Variants in PRSS23 observed in about 807,000 individuals in gnomAD.
The protein encoded by PRSS23 is protease, serine 23.
A neutral mutation model predicts 34.7 loss-of-function variants in PRSS23; 25 were observed. The ratio of observed to expected loss-of-function variants is 0.72; its 90% CI spans 0.53 to 1.01. PRSS23 has a LOEUF of 1.01. Among genes scored for constraint, PRSS23 ranks in the 50% least tolerant of loss-of-function variants. The probability of loss-of-function intolerance (pLI) is 0.00; values close to 1 mark genes in which losing one functional copy is unlikely to be tolerated. For missense variants in PRSS23, 445 were observed against 475.6 expected (o/e 0.94, Z 0.60); for synonymous variants, 176 against 186.6 (o/e 0.94, Z 0.46).
intron 2 of PRSS23, among the ~76,000 whole-genome samples, chr11:86,868,064 G>A (rs983398312): frequency 4.1e-5 from 6 of 146,442 alleles, no homozygotes; most frequent in Non-Finnish European, 7.5e-5. Flanking sequence ...CAAAGGCCAA[G>A]GAGGAAAAAA....
chr11:86,882,412 T>A (rs113841470), intron 2 of PRSS23, among the ~76,000 whole-genome samples: 1 of 152,210 alleles, frequency 6.6e-6, no homozygotes. Flanking sequence ...TATGTGTCCA[T>A]GTGTTCTCAT....
intron 2 of PRSS23, among the ~76,000 whole-genome samples, chr11:86,851,334 C>T (rs367905323): frequency 2.6e-5 from 4 of 152,202 alleles, no homozygotes; most frequent in Non-Finnish European, 5.9e-5. Context: ...GGGAGAGATG[C>T]CCCTTGAATG....
intron 1 of PRSS23, among the ~76,000 whole-genome samples, chr11:86,794,286 G>A (rs1193226149): frequency 6.6e-6 from 1 of 152,134 alleles, no homozygotes; most frequent in East Asian, 1.9e-4. Context: ...ATGCAAGTTA[G>A]AGTAGATCAG....
At chr11:86,801,904 G>T (rs552575953) in intron 1 of PRSS23, among the ~76,000 whole-genome samples, 18 of 152,346 alleles carry the variant, frequency 1.2e-4, no homozygotes, top group Middle Eastern at 6.8e-3. Flanking sequence ...AAGTCAAGCG[G>T]TAACTTGTCC....
intron 2 of PRSS23, among the ~76,000 whole-genome samples, chr11:86,939,393 TAAAA>T (rs778076028): frequency 3.9e-4 from 33 of 83,924 alleles, no homozygotes; most frequent in African/African-American, 4.7e-4. Flanking sequence ...ATTTCTCAGT[TAAAA>T]AAAAAAATAT....
chr11:86,800,558 C>T lies in PRSS23; in HGVS notation c.-107C>T. 1.0e-6 allele frequency: 1 copy of T among 984,728 alleles called. No homozygotes were observed. The highest frequency in any genetic ancestry group is 1.2e-6 in the Non-Finnish European group (1 of 829,726). The allele number at this position is 984,728 out of a possible 1,614,324, so 61.0% of individuals were successfully genotyped here. ...AGCTTGCTCGCACTCGGCTGTGCGG[C>T]GGGGCAGGCATGGGAGCCGCGCGCT... On this transcript the variant is annotated 5_prime_UTR_variant, in exon 1 of 2. Coordinates refer to ENST00000280258, the MANE Select transcript of PRSS23 (RefSeq NM_007173.6).
intron 2 of PRSS23, among the ~76,000 whole-genome samples, chr11:86,856,278 C>T (rs1948570345): frequency 6.6e-6 from 1 of 151,482 alleles, no homozygotes; most frequent in African/African-American, 2.4e-5. Flanking sequence ...TTCATTGGAG[C>T]TTGATCCCTC....
chr11:86,939,365 A>G (rs1359483199), intron 2 of PRSS23, among the ~76,000 whole-genome samples: 3 of 132,264 alleles, frequency 2.3e-5, no homozygotes, highest in African/African-American at 7.9e-5. Flanking sequence ...TCAGGAGAAT[A>G]ATTTTTCCAG....
rs1418281682 is a variant in PRSS23 at position 86,902,593 on chromosome 11, C to G, written c.207-48623C>G. On this transcript the variant is annotated intron_variant, in intron 2 of 2. Coordinates refer to the PRSS23 transcript ENST00000533902. ...AACAGGCATGATATCATACATCTAG[C>G]TATCAAACTACTTCCAGATGTGGAT... Among the ~76,000 whole-genome samples the G allele has an allele frequency of 2.6e-5, 4 of 152,142 alleles. No individual in the cohort carries two copies. In the East Asian group the frequency reaches 7.7e-4, roughly 29 times the overall value.
chr11:86,830,285 C>G (rs1208288018), intron 2 of PRSS23, among the ~76,000 whole-genome samples: 3 of 152,216 alleles, frequency 2.0e-5, no homozygotes, highest in East Asian at 1.9e-4. Context: ...GGGCATAGGA[C>G]CCTCCGAGCC....
At chr11:86,833,932 G>T (rs995349605) in intron 2 of PRSS23, among the ~76,000 whole-genome samples, 1 of 152,170 alleles carries the variant, frequency 6.6e-6, no homozygotes, top group East Asian at 1.9e-4. Flanking sequence ...CTCGGGAGGG[G>T]TGCCTTCGAT....
chr11:86,859,196 GGAA>G (rs1948595063), intron 2 of PRSS23, among the ~76,000 whole-genome samples: 1 of 151,980 alleles, frequency 6.6e-6, no homozygotes, highest in African/African-American at 2.4e-5. Context: ...TAATATCCAG[GGAA>G]GAAGAAGATG....
At chr11:86,935,705 A>G (rs1325762435) in intron 2 of PRSS23, 1 of 152,174 alleles carries the variant, frequency 6.6e-6, no homozygotes, top group African/African-American at 2.4e-5. Context: ...ATATAATAAC[A>G]CTGAAGCCCA....
chr11:86,820,223 GT>G (rs1452051944), intron 1 of PRSS23, among the ~76,000 whole-genome samples: 1 of 152,150 alleles, frequency 6.6e-6, no homozygotes, highest in Non-Finnish European at 1.5e-5. Flanking sequence ...TTTAAGGACT[GT>G]TTTCTAAGAA....
intron 2 of PRSS23, among the ~76,000 whole-genome samples, chr11:86,920,958 A>G (rs1316187114): frequency 6.6e-6 from 1 of 152,136 alleles, no homozygotes; most frequent in African/African-American, 2.4e-5. Context: ...ACAGTAAGAA[A>G]CTTTCTTTCT....
intron 2 of PRSS23, chr11:86,933,258 C>T (rs7484279): frequency 0.62 from 94,960 of 152,014 alleles, 30,173 homozygotes; most frequent in Non-Finnish European, 0.69. Flanking sequence ...CTTTACTCTC[C>T]AACCACTCCA....
rs1489091547 is a variant in PRSS23 at position 86,919,339 on chromosome 11, G to A, written c.207-31877G>A. Reference sequence around the variant, plus strand: ...GATACTTTTCTATTCGGGTATTCAAGCCTGCCACAGACGGAGGCCCTGTGG... The same window carrying A: ...GATACTTTTCTATTCGGGTATTCAAACCTGCCACAGACGGAGGCCCTGTGG... On this transcript the variant is annotated intron_variant, in intron 2 of 2. Coordinates refer to the PRSS23 transcript ENST00000533902. Among the ~76,000 whole-genome samples the A allele has an allele frequency of 3.3e-5, 5 of 152,226 alleles. No homozygotes were observed. In the East Asian group the frequency reaches 9.6e-4, roughly 29 times the overall value.
At position 86,808,852 on chromosome 11, in the gene PRSS23, G is replaced by T. The variant is rs1948142390; in HGVS notation, c.*57G>T. On this transcript the variant is annotated 3_prime_UTR_variant, in exon 2 of 2. Transcript: ENST00000280258. Reference sequence around the variant, plus strand: ...TCTTCATGTTCTTATTTTAGGAGAGGCCAAATTGTTTTTTGTCATTGGCGT... The same window carrying T: ...TCTTCATGTTCTTATTTTAGGAGAGTCCAAATTGTTTTTTGTCATTGGCGT... The T allele has an allele frequency of 6.8e-7, 1 of 1,479,142 alleles. No homozygotes were observed. Among genetic ancestry groups the T allele is most frequent in the Non-Finnish European group, 9.2e-7 (1 of 1,090,460 alleles). The allele number at this position is 1,479,142 out of a possible 1,614,324, so 91.6% of individuals were successfully genotyped here.
rs116580293 is a variant in PRSS23 at position 86,791,370 on chromosome 11, C to G, written c.-14+175C>G. 2.2e-3 allele frequency among the ~76,000 whole-genome samples: 338 copies of G among 152,198 alleles called. 2 individuals are homozygous for G. The highest frequency in any genetic ancestry group is 7.4e-3 in the African/African-American group (309 of 41,508). On this transcript the variant is annotated intron_variant, in intron 1 of 1. Transcript: ENST00000527521. ...TCTTGTGGTTTCCCTAATCTGTGTGCGGAGGGCAGAAGGAGCCAGGTGATC... is the reference window on the plus strand; with the variant it reads ...TCTTGTGGTTTCCCTAATCTGTGTGGGGAGGGCAGAAGGAGCCAGGTGATC...
Sources: allele counts gnomAD v4.1 joint callset (sites outside exome capture counted in the v4.1 genomes callset), GRCh38; gene constraint gnomAD v4.1.1; transcripts MANE v1.5; gene names NCBI Gene and HGNC (gene_info 2026-07-23, HGNC 2026-07-21).